CDS2: variants seen among roughly 807,000 people sequenced by gnomAD.
The protein encoded by CDS2 is CDP-diacylglycerol synthase 2, also known as phosphatidate cytidylyltransferase 2.
CDS2 carries 47 observed loss-of-function variants against 59.0 expected under a neutral mutation model. The ratio of observed to expected loss-of-function variants is 0.80; its 90% CI spans 0.63 to 1.02. The LOEUF is 1.02. Ranked by LOEUF, CDS2 falls within the 50% of genes least tolerant of loss-of-function variation. The probability of loss-of-function intolerance (pLI) is 0.00; values close to 1 mark genes in which losing one functional copy is unlikely to be tolerated. For synonymous variants in CDS2, 207 were observed against 206.4 expected (o/e 1.00, Z -0.02); for missense variants, 356 against 558.9 (o/e 0.64, Z 3.66).
intron 1 of CDS2, among the ~76,000 whole-genome samples, chr20:5,129,980 GT>G (rs899335431): frequency 1.3e-5 from 2 of 149,070 alleles, no homozygotes; most frequent in South Asian, 2.1e-4. Flanking sequence ...TTGTTTTTTT[GT>G]TTTTTTTTGA....
intron 1 of CDS2, among the ~76,000 whole-genome samples, chr20:5,133,083 C>A (rs962834727): frequency 5.9e-5 from 9 of 151,600 alleles, no homozygotes; most frequent in Middle Eastern, 3.2e-3. Context: ...AGGAGAATGG[C>A]GTGATGGCGT....
chr20:5,185,785 T>A lies in CDS2; in HGVS notation c.787T>A (p.Phe263Ile). Residue 263 changes from phenylalanine to isoleucine, a missense_variant, in exon 9 of 13, where the codon TTC becomes ATC. By Grantham distance (21) the Phe-to-Ile change is conservative. Around this residue, in one of 5 missense-constraint regions of CDS2, gnomAD observed 88 missense variants for 103.6 expected, o/e 0.85. Coordinates refer to ENST00000460006, the MANE Select transcript of CDS2 (RefSeq NM_003818.4). Reference sequence around the variant, plus strand: ...GTCCCCGAAGAAGACCTGGGAAGGCTTCATTGGGGGCTTCTTTGCTACTGT... The same window carrying A: ...GTCCCCGAAGAAGACCTGGGAAGGCATCATTGGGGGCTTCTTTGCTACTGT... Reference protein sequence around the residue: ...KLSPKKTWEGFIGGFFATVVF... With the variant: ...KLSPKKTWEGIIGGFFATVVF... 3 of 1,614,186 alleles carry A rather than the reference T, an allele frequency of 1.9e-6. No individual in the cohort carries two copies. The highest frequency in any genetic ancestry group is 2.5e-6 in the Non-Finnish European group (3 of 1,180,010).
intron 1 of CDS2, among the ~76,000 whole-genome samples, chr20:5,139,543 CTTTA>C (rs999418592): frequency 6.6e-6 from 1 of 152,072 alleles, no homozygotes; most frequent in African/African-American, 2.4e-5. Context: ...TTTGGATGCT[CTTTA>C]TTTCTTTCTC....
At chr20:5,152,881 C>CA (rs1180744578) in intron 1 of CDS2, among the ~76,000 whole-genome samples, 2 of 152,176 alleles carry the variant, frequency 1.3e-5, no homozygotes, top group African/African-American at 4.8e-5. Context: ...GGGTAAGTCT[C>CA]AAAATATAAG....
intron 1 of CDS2, among the ~76,000 whole-genome samples, chr20:5,133,000 T>C (rs2090619856): frequency 1.4e-5 from 2 of 147,926 alleles, no homozygotes; most frequent in African/African-American, 5.2e-5. Flanking sequence ...GCAAAACCCC[T>C]TCTCTACTAC....
chr20:5,149,073 C>T (rs964389842), intron 1 of CDS2, among the ~76,000 whole-genome samples: 1 of 151,914 alleles, frequency 6.6e-6, no homozygotes, highest in Non-Finnish European at 1.5e-5. Context: ...TGCAGTGGCA[C>T]GATCATGGCT....
rs1309213826 is a variant in CDS2 at position 5,185,837 on chromosome 20, GC to G, written c.828+12del. On this transcript the variant is annotated intron_variant, in intron 9 of 12. Coordinates refer to ENST00000460006, the MANE Select transcript of CDS2 (RefSeq NM_003818.4). ...GTGTTTGGCCTTCTGGTAGGTGGTGGCTTTCAGCTGTGTAAGGGATTGGGTG... is the reference window on the plus strand; with the variant it reads ...GTGTTTGGCCTTCTGGTAGGTGGTGGTTTCAGCTGTGTAAGGGATTGGGTG... The G allele has an allele frequency of 8.1e-6, 13 of 1,613,804 alleles. No individual in the cohort carries two copies. Among genetic ancestry groups the G allele is most frequent in the Non-Finnish European group, 1.1e-5 (13 of 1,179,668 alleles).
At chr20:5,134,775 C>T (rs1413240209) in intron 1 of CDS2, among the ~76,000 whole-genome samples, 3 of 152,158 alleles carry the variant, frequency 2.0e-5, no homozygotes, top group African/African-American at 7.2e-5. Flanking sequence ...CCTGCCTTGG[C>T]CTTCTACAAT....
At chr20:5,143,767 C>CTTTT (rs373867800) in intron 1 of CDS2, among the ~76,000 whole-genome samples, 1 of 102,522 alleles carries the variant, frequency 9.8e-6, no homozygotes, top group Non-Finnish European at 2.0e-5. Context: ...TCTTCTTCTT[C>CTTTT]TTTTTTTTTT....
At position 5,197,454 on chromosome 20, in the gene CDS2, TCTC is replaced by T. The variant is rs1397075859; in HGVS notation, c.*7224_*7226del. 1 of 152,148 alleles carries T rather than the reference TCTC, an allele frequency of 6.6e-6. No individual in the cohort carries two copies. Among genetic ancestry groups the T allele is most frequent in the Non-Finnish European group, 1.5e-5 (1 of 68,018 alleles). The allele number at this position is 152,148 out of a possible 1,614,324, so 9.4% of individuals were successfully genotyped here. ...GTCAGCCGTGTCTGCCCTGGCTCTGTCTCCTCTGTGACAGGGCAGAGCATTTCT... is the reference window on the plus strand; with the variant it reads ...GTCAGCCGTGTCTGCCCTGGCTCTGTCTCTGTGACAGGGCAGAGCATTTCT... On this transcript the variant is annotated 3_prime_UTR_variant, in exon 13 of 13. Transcript: ENST00000460006.
intron 6 of CDS2, 33 bp downstream of exon 6, chr20:5,182,478 C>A (rs1165765027): frequency 1.1e-5 from 17 of 1,583,632 alleles, no homozygotes; most frequent in Non-Finnish European, 1.4e-5. Context: ...TGTCAGAATT[C>A]TTGATTTAAA....
chr20:5,189,986 T>C, intron 12 of CDS2, 116 bp from the exon 13 acceptor site: 1 of 1,429,264 alleles, frequency 7.0e-7, no homozygotes, highest in Non-Finnish European at 9.6e-7. Context: ...TGAGGCCTCC[T>C]GTCATCTGTT....
At chr20:5,169,018 A>G (rs2090935210) in intron 1 of CDS2, among the ~76,000 whole-genome samples, 2 of 152,146 alleles carry the variant, frequency 1.3e-5, no homozygotes, top group African/African-American at 4.8e-5. Context: ...CCTTCATCCT[A>G]AGTGCTTCTG....
intron 1 of CDS2, 29 bp downstream of exon 1, chr20:5,127,178 CG>C: frequency 6.8e-7 from 1 of 1,470,394 alleles, no homozygotes; most frequent in Non-Finnish European, 9.0e-7. Flanking sequence ...TGGGCGCGGC[CG>C]GGACAGCGGC....
intron 5 of CDS2, among the ~76,000 whole-genome samples, 194 bp from the exon 6 acceptor site, chr20:5,182,193 A>G (rs2091037237): frequency 6.6e-6 from 1 of 152,108 alleles, no homozygotes; most frequent in African/African-American, 2.4e-5. Flanking sequence ...CCTTCCTTTT[A>G]CTGTTTGGGA....
At chr20:5,189,285 C>T in intron 11 of CDS2, 99 bp downstream of exon 11, 1 of 1,372,906 alleles carries the variant, frequency 7.3e-7, no homozygotes, top group Non-Finnish European at 1.0e-6. Flanking sequence ...GGCTGTACAC[C>T]CTGGCATTTA....
intron 4 of CDS2, 107 bp downstream of exon 4, chr20:5,176,852 G>GCCTCTCCAGCATTTATCT: frequency 1.3e-6 from 1 of 784,246 alleles, no homozygotes; most frequent in Non-Finnish European, 2.2e-6. Context: ...AGAGATAAAT[G>GCCTCTCCAGCATTTATCT]CTGGAGAGGC....
rs145956036 is a variant in CDS2 at position 5,184,169 on chromosome 20, GAAAC to G, written c.672-676_672-673del. Among the ~76,000 whole-genome samples, 5,286 of 152,078 alleles carry G rather than the reference GAAAC, an allele frequency of 0.035. 123 individuals carry two copies. The highest frequency in any genetic ancestry group is 0.08 in the East Asian group (414 of 5,160). On this transcript the variant is annotated intron_variant, in intron 7 of 12. Coordinates refer to ENST00000460006, the MANE Select transcript of CDS2 (RefSeq NM_003818.4). This position sits in a 1 kb window ranked among gnomAD's most constrained non-coding sequence, Gnocchi z 4.3. The stretch of plus-strand genomic sequence containing the variant: ...AGACTCTGTCTCAAAAACAAAAACA[GAAAC>G]AAACAAACAAACCTGTAATCAAAGA...
intron 1 of CDS2, among the ~76,000 whole-genome samples, chr20:5,169,997 A>G (rs1405707100): frequency 6.6e-6 from 1 of 152,112 alleles, no homozygotes; most frequent in Non-Finnish European, 1.5e-5. Context: ...TGCTGTGGTC[A>G]GGCTACTCAG....
Sources: allele counts gnomAD v4.1 joint callset (sites outside exome capture counted in the v4.1 genomes callset), GRCh38; gene constraint gnomAD v4.1.1; regional missense constraint gnomAD v4.1.1; non-coding constraint Gnocchi (gnomAD v3.1); transcripts MANE v1.5; gene names NCBI Gene and HGNC (gene_info 2026-07-23, HGNC 2026-07-21).